The following OR7E24 variants were observed in gnomAD, a reference collection of about 807,000 sequenced individuals.
OR7E24 encodes the protein olfactory receptor family 7 subfamily E member 24, also known as olfactory receptor 7E24.
For synonymous variants in OR7E24, 130 were observed against 157.5 expected (o/e 0.83, Z 1.31); for missense variants, 385 against 410.3 (o/e 0.94, Z 0.53).
chr19:9,235,327 T>C, the OR7E24 span: 1 of 1,301,280 alleles, frequency 7.7e-7, no homozygotes, highest in Non-Finnish European at 1.1e-6. Context: ...CATGTAATTC[T>C]TCCTCTCCAA....
At chr19:9,215,954 T>G in the OR7E24 span, among the ~76,000 whole-genome samples, 2 of 152,086 alleles carry the variant, frequency 1.3e-5, no homozygotes, top group Non-Finnish European at 1.5e-5. Context: ...TCCACGTGGC[T>G]GGGGAAGCCT....
At chr19:9,228,720 G>A in the OR7E24 span, among the ~76,000 whole-genome samples, 1 of 152,162 alleles carries the variant, frequency 6.6e-6, no homozygotes, top group African/African-American at 2.4e-5. Flanking sequence ...CTTCAGGAAG[G>A]ACTACTTTGG....
the OR7E24 span, chr19:9,236,250 C>T: frequency 1.9e-6 from 1 of 536,008 alleles, no homozygotes; most frequent in Non-Finnish European, 3.3e-6. Context: ...CGGTGGCTTA[C>T]ACCTGTAATC....
chr19:9,219,516 C>T, the OR7E24 span: 33,861 of 152,140 alleles, frequency 0.22, 4,864 homozygotes, highest in African/African-American at 0.41. Context: ...ACCCCACCAG[C>T]CCTCACTGGG....
chr19:9,207,336 C>CA, the OR7E24 span: 3 of 152,042 alleles, frequency 2.0e-5, no homozygotes, highest in Non-Finnish European at 2.9e-5. Flanking sequence ...GGTAGGTACA[C>CA]AAAGTTATAC....
chr19:9,242,280 C>T, the OR7E24 span, among the ~76,000 whole-genome samples: 1 of 152,118 alleles, frequency 6.6e-6, no homozygotes, highest in Non-Finnish European at 1.5e-5. Flanking sequence ...GACACAGTTT[C>T]ACTCTGTCAC....
At chr19:9,242,994 C>G (rs1193160886), upstream of OR7E24, among the ~76,000 whole-genome samples, 1 of 151,970 alleles carries the variant, frequency 6.6e-6, no homozygotes, top group East Asian at 1.9e-4. Context: ...TGATCTAACC[C>G]CAGATTGTAG....
chr19:9,243,200 T>C (rs1331768198), upstream of OR7E24, among the ~76,000 whole-genome samples: 1 of 152,036 alleles, frequency 6.6e-6, no homozygotes, highest in Non-Finnish European at 1.5e-5. Flanking sequence ...GTGTCAGGGT[T>C]CATCCCACAT....
At chr19:9,208,690 CT>C in the OR7E24 span, 261 of 117,578 alleles carry the variant, frequency 2.2e-3, no homozygotes, top group Middle Eastern at 5.0e-3. Flanking sequence ...TTAATGCTGC[CT>C]TTTTTTTTTT....
At chr19:9,246,060 C>CT (rs58590446), upstream of OR7E24, among the ~76,000 whole-genome samples, 28 of 38,942 alleles carry the variant, frequency 7.2e-4, 5 homozygotes, top group Admixed American at 1.6e-3. Flanking sequence ...TATCAATGTG[C>CT]TTTTTTTTTT....
At chr19:9,231,947 C>T in the OR7E24 span, among the ~76,000 whole-genome samples, 12 of 152,224 alleles carry the variant, frequency 7.9e-5, no homozygotes, top group South Asian at 1.5e-3. Flanking sequence ...CATCCAAAAT[C>T]GTGTTTCTTG....
chr19:9,237,820 G>A, the OR7E24 span, among the ~76,000 whole-genome samples: 1 of 152,154 alleles, frequency 6.6e-6, no homozygotes, highest in Non-Finnish European at 1.5e-5. Flanking sequence ...CATCAGTTGG[G>A]GAAGATAACT....
chr19:9,241,656 T>TG, the OR7E24 span, among the ~76,000 whole-genome samples: 1 of 152,046 alleles, frequency 6.6e-6, no homozygotes, highest in Non-Finnish European at 1.5e-5. Context: ...CTCAGCTACT[T>TG]GGGAGACTGA....
upstream of OR7E24, among the ~76,000 whole-genome samples, chr19:9,244,623 C>CATGACA (rs1157728440): frequency 2.6e-5 from 4 of 152,190 alleles, no homozygotes; most frequent in African/African-American, 9.7e-5. Context: ...TCAATACCTT[C>CATGACA]ATGACATTGG....
At chr19:9,236,945 T>C in the OR7E24 span, among the ~76,000 whole-genome samples, 2 of 152,218 alleles carry the variant, frequency 1.3e-5, no homozygotes, top group Non-Finnish European at 2.9e-5. Flanking sequence ...AAAACCTTTC[T>C]TTGAGTTATT....
the OR7E24 span, among the ~76,000 whole-genome samples, chr19:9,242,311 G>A: frequency 1.1e-4 from 16 of 152,230 alleles, no homozygotes; most frequent in African/African-American, 3.4e-4. Flanking sequence ...GTGCCATGGC[G>A]CTATCTCAGC....
chr19:9,208,572 TTTC>T, the OR7E24 span: 339 of 152,236 alleles, frequency 2.2e-3, no homozygotes, highest in African/African-American at 7.7e-3. Context: ...ATTTCAGGGT[TTTC>T]TTCTTTTACT....
At chr19:9,250,309 G>A (rs1033134873), upstream of OR7E24, among the ~76,000 whole-genome samples, 4 of 151,986 alleles carry the variant, frequency 2.6e-5, no homozygotes, top group East Asian at 1.9e-4. Flanking sequence ...TTTCCAGGCC[G>A]GTCTTAAACT....
chr19:9,246,007 T>A (rs2159653), upstream of OR7E24, among the ~76,000 whole-genome samples: 142,448 of 143,572 alleles, frequency 0.99, 70,667 homozygotes, highest in East Asian at 1. Context: ...ATATATATAT[T>A]TTTTTTTCGC....
Sources: gnomAD v4.1 joint callset for allele counts (sites outside exome capture counted in the v4.1 genomes callset) on GRCh38, gnomAD v4.1.1 for gene constraint, MANE v1.5 for transcripts, NCBI Gene and HGNC (gene_info 2026-07-23, HGNC 2026-07-21) for gene names.